The following UNC80 variants were observed in gnomAD, a reference collection of about 807,000 sequenced individuals.
UNC80 encodes the protein unc-80 subunit of NALCN channel complex.
UNC80 carries 164 observed loss-of-function variants against 384.6 expected under a neutral mutation model. The ratio of observed to expected loss-of-function variants is 0.43; its 90% CI spans 0.38 to 0.49. The LOEUF is 0.49. Among genes scored for constraint, UNC80 ranks in the 20% least tolerant of loss-of-function variants. UNC80 has a pLI of 0.00. For missense variants in UNC80, 3,330 were observed against 4,143.0 expected, an observed-to-expected ratio of 0.80 and a Z score of 5.39; for synonymous variants, 1,486 against 1,527.8, an observed-to-expected ratio of 0.97 and a Z score of 0.64.
Position 209,959,940 on chromosome 2 carries a change from A to C in UNC80, c.7805+233A>C, listed in dbSNP as rs1428279658. 2.6e-5 allele frequency among the ~76,000 whole-genome samples: 4 copies of C among 152,326 alleles called. No individual in the cohort carries two copies. In the East Asian group the frequency reaches 5.8e-4, roughly 22 times the overall value. On this transcript the variant is annotated intron_variant, in intron 51 of 64. Transcript: ENST00000673920. ...GAAAATGTTCTTAAGATAGAAAAGC[A>C]CAGTTTATATATGTGCTTCTCAATA...
At chr2:209,816,741 T>C (rs2079767705) in intron 9 of UNC80, among the ~76,000 whole-genome samples, 168 bp from the exon 10 acceptor site, 1 of 152,216 alleles carries the variant, frequency 6.6e-6, no homozygotes, top group South Asian at 2.1e-4. Flanking sequence ...TTTCACTCTT[T>C]TAATGTGAAA....
chr2:209,924,709 G>A (rs2090293210), intron 35 of UNC80, among the ~76,000 whole-genome samples: 3 of 151,494 alleles, frequency 2.0e-5, no homozygotes, highest in South Asian at 2.1e-4. Context: ...ATTTTTGTCA[G>A]CCTCCAGCTT....
chr2:209,988,732 T>C (rs2093338388), intron 61 of UNC80, among the ~76,000 whole-genome samples: 2 of 152,150 alleles, frequency 1.3e-5, no homozygotes, highest in Admixed American at 6.5e-5. Context: ...TATAAATTAC[T>C]TCCTTGCATT....
intron 23 of UNC80, among the ~76,000 whole-genome samples, chr2:209,876,427 G>A (rs1266053646): frequency 6.6e-6 from 1 of 152,084 alleles, no homozygotes; most frequent in Middle Eastern, 3.2e-3. Flanking sequence ...TAGCCCTGAG[G>A]CATTTTTCTA....
At chr2:209,842,519 G>A in intron 21 of UNC80, 73 bp downstream of exon 21, 2 of 1,046,450 alleles carry the variant, frequency 1.9e-6, no homozygotes, top group Non-Finnish European at 1.4e-6. Flanking sequence ...AGATTAAGTG[G>A]TCCATTTTCT....
At chr2:209,814,098 T>C (rs1351465325) in intron 8 of UNC80, among the ~76,000 whole-genome samples, 1 of 152,186 alleles carries the variant, frequency 6.6e-6, no homozygotes, top group Non-Finnish European at 1.5e-5. Flanking sequence ...TAGTGGAAAA[T>C]TGGGTCTTCT....
At chr2:209,873,501 G>A (rs967028565) in intron 23 of UNC80, among the ~76,000 whole-genome samples, 10 of 152,076 alleles carry the variant, frequency 6.6e-5, no homozygotes, top group African/African-American at 2.2e-4. Context: ...ACATATTTAT[G>A]TATGCATATG....
In UNC80 at chr2:209,939,535, A is replaced by T. The variant is rs2091480479; in HGVS notation, c.6529A>T (p.Ile2177Phe). The T allele has an allele frequency of 6.4e-7, 1 of 1,551,500 alleles. No individual in the cohort carries two copies. The highest frequency in any genetic ancestry group is 8.7e-7 in the Non-Finnish European group (1 of 1,146,874). Reference sequence around the variant, plus strand: ...GTTTCTCATCTCCCTAACCCAGAAGATCCCCACAGCCCACAAACAGTCCCA... The same window carrying T: ...GTTTCTCATCTCCCTAACCCAGAAGTTCCCCACAGCCCACAAACAGTCCCA... ...VLFLISLTQK[I>F]PTAHKQSHVS... Residue 2177 changes from isoleucine to phenylalanine, a missense_variant, in exon 43 of 65, where the codon ATC (isoleucine) becomes TTC (phenylalanine). Physicochemically the swap from Ile to Phe is conservative, Grantham distance 21. Around this residue, in one of 8 missense-constraint regions of UNC80, gnomAD observed 1,049 missense variants for 1,488.6 expected, o/e 0.70. Coordinates refer to ENST00000673920, the MANE Select transcript of UNC80 (RefSeq NM_001371986.1).
chr2:209,904,090 A>G (rs970395271), intron 28 of UNC80, among the ~76,000 whole-genome samples: 3 of 152,198 alleles, frequency 2.0e-5, no homozygotes, highest in Non-Finnish European at 4.4e-5. Flanking sequence ...TAAAATAACC[A>G]TATCCTTTAA....
chr2:209,989,971 A>G (rs540970123), intron 61 of UNC80, among the ~76,000 whole-genome samples: 1 of 152,324 alleles, frequency 6.6e-6, no homozygotes, highest in South Asian at 2.1e-4. Flanking sequence ...GGATATTTCC[A>G]AGGATATATT....
intron 10 of UNC80, 44 bp downstream of exon 10, chr2:209,817,169 T>A: frequency 6.6e-7 from 1 of 1,511,774 alleles, no homozygotes; most frequent in Admixed American, 2.0e-5. Context: ...TTAAGTGACC[T>A]GTTTAGAACT....
chr2:209,965,934 CAAAA>C (rs112429893), intron 51 of UNC80, among the ~76,000 whole-genome samples: 2 of 125,784 alleles, frequency 1.6e-5, no homozygotes, highest in African/African-American at 2.8e-5. Flanking sequence ...AAACTTGTCT[CAAAA>C]AAAAAAAAAA....
intron 14 of UNC80, among the ~76,000 whole-genome samples, chr2:209,826,923 G>A (rs1026056529): frequency 6.6e-6 from 1 of 152,008 alleles, no homozygotes; most frequent in African/African-American, 2.4e-5. Context: ...TTGATATTAG[G>A]TTTTGTCATG....
At chr2:209,896,288 C>A (rs773779131) in intron 27 of UNC80, 25 bp from the exon 28 acceptor site, 4 of 1,546,542 alleles carry the variant, frequency 2.6e-6, no homozygotes, top group Middle Eastern at 3.4e-4. Flanking sequence ...ACACTGAAAC[C>A]TTTCTTGGTA....
intron 40 of UNC80, 65 bp from the exon 41 acceptor site, chr2:209,936,779 C>G: frequency 8.7e-7 from 1 of 1,155,034 alleles, no homozygotes; most frequent in East Asian, 2.6e-5. Flanking sequence ...TATCTGTCAC[C>G]TTACTACCTA....
rs1322665122 is a variant in UNC80, at chr2:209,992,281, C to A, written c.9396+34C>A. 12 of 1,532,908 alleles carry A rather than the reference C, an allele frequency of 7.8e-6. No individual in the cohort carries two copies. In the Admixed American group the frequency reaches 1.2e-4, roughly 15 times the overall value. 95.0% of individuals were successfully genotyped at this position (1,532,908 alleles called of 1,614,324 possible). A position where few individuals can be genotyped will look rare whatever the true frequency, so the allele number is the denominator to read the frequency against. ...ACCCTTAAAGCGCAAGAGAACCATC[C>A]TACGAATTGGAAGCTCTGTGTGATT... On this transcript the variant is annotated intron_variant, in intron 62 of 64. Transcript: ENST00000673920.
chr2:209,775,592 T>G (rs2153824541), intron 2 of UNC80, among the ~76,000 whole-genome samples: 1 of 152,332 alleles, frequency 6.6e-6, no homozygotes, highest in South Asian at 2.1e-4. Context: ...TTCCTATTTG[T>G]TAGAGGAAGC....
At chr2:209,865,391 A>G (rs1233709582) in intron 22 of UNC80, among the ~76,000 whole-genome samples, 1 of 152,140 alleles carries the variant, frequency 6.6e-6, no homozygotes, top group Non-Finnish European at 1.5e-5. Context: ...TCGCGAGGTC[A>G]GGAGATCGAG....
rs527455646 is a variant in UNC80 at position 209,945,783 on chromosome 2, A to G, written c.7190-64A>G. ...CTGGAATGATAACATTAGGAGTAAT[A>G]GGTGCTTCTTTATCTCCTGCAAAAT... is the stretch of plus-strand genomic sequence containing the variant. On this transcript the variant is annotated intron_variant, in intron 46 of 64. Coordinates refer to ENST00000673920, the MANE Select transcript of UNC80 (RefSeq NM_001371986.1). 1.5e-5 allele frequency: 15 copies of G among 1,032,360 alleles called. 1 individual carries two copies. The South Asian group carries it at 2.1e-4, about 14-fold the overall frequency. The allele number at this position is 1,032,360 out of a possible 1,614,324, so 63.9% of individuals were successfully genotyped here. A position where few individuals can be genotyped will look rare whatever the true frequency, so the allele number is the denominator to read the frequency against.
Sources: gnomAD v4.1 joint callset for allele counts (sites outside exome capture counted in the v4.1 genomes callset) on GRCh38, gnomAD v4.1.1 for gene constraint, gnomAD v4.1.1 regional missense constraint, MANE v1.5 for transcripts, NCBI Gene and HGNC (gene_info 2026-07-23, HGNC 2026-07-21) for gene names.